Variants in SLC26A7 observed in about 807,000 individuals in gnomAD.
SLC26A7 encodes the protein anion exchange transporter.
SLC26A7 carries 59 observed loss-of-function variants against 82.5 expected under a neutral mutation model. That is an observed-to-expected ratio of 0.72 (90% CI 0.58 to 0.89). The LOEUF (loss-of-function observed/expected upper bound fraction) is 0.89. SLC26A7 is among the 40% of genes least tolerant of loss of function. The pLI, the probability that SLC26A7 is intolerant of heterozygous loss-of-function variation, is 0.00. For missense variants in SLC26A7, 820 were observed against 793.0 expected (o/e 1.03, Z -0.41); for synonymous variants, 271 against 274.3 (o/e 0.99, Z 0.12).
chr8:91,292,579 A>G (rs1452442559), intron 3 of SLC26A7, among the ~76,000 whole-genome samples: 1 of 152,160 alleles, frequency 6.6e-6, no homozygotes, highest in Admixed American at 6.5e-5. Flanking sequence ...TTCAATTTAG[A>G]TGGCTGGAAT....
chr8:91,237,143 A>G (rs1775131458), intron 2 of SLC26A7, among the ~76,000 whole-genome samples: 1 of 152,186 alleles, frequency 6.6e-6, no homozygotes, highest in Non-Finnish European at 1.5e-5. Flanking sequence ...CTGTTATAGT[A>G]TTTCCAATCC....
At chr8:91,337,955 CT>C (rs35850164) in intron 6 of SLC26A7, among the ~76,000 whole-genome samples, 194 bp from the exon 7 acceptor site, 116,716 of 152,078 alleles carry the variant, frequency 0.77, 45,930 homozygotes, top group Non-Finnish European at 0.87. Flanking sequence ...AATTTGGAGA[CT>C]TGTCAGTGCT....
chr8:91,314,388 T>G (rs931925483), intron 4 of SLC26A7, among the ~76,000 whole-genome samples: 2 of 152,184 alleles, frequency 1.3e-5, no homozygotes, highest in Non-Finnish European at 2.9e-5. Context: ...GTGTACTTGC[T>G]ACCTTTGAGC....
At position 91,383,245 on chromosome 8, in the gene SLC26A7, G is replaced by A. The variant is rs190064298; in HGVS notation, c.1676-6093G>A. ...TGGAACTGTTTGGAAGTTGGAGTAAGGGAGAGAACAATACAAATGATGATT... is the reference window on the plus strand; with the variant it reads ...TGGAACTGTTTGGAAGTTGGAGTAAAGGAGAGAACAATACAAATGATGATT... On this transcript the variant is annotated intron_variant, in intron 15 of 18. Coordinates refer to ENST00000276609, the MANE Select transcript of SLC26A7 (RefSeq NM_052832.4). 2.6e-5 allele frequency among the ~76,000 whole-genome samples: 4 copies of A among 152,296 alleles called. No homozygotes were observed. In the East Asian group the frequency reaches 7.7e-4, roughly 29 times the overall value.
chr8:91,393,989 A>G lies in SLC26A7; in HGVS notation c.1885A>G (p.Ile629Val), dbSNP rs149495064. ...YYGNLDSEKP[I>V]FFESVSAAIS... ...TGGAAACCTAGACTCAGAGAAACCA[A>G]TTTTTTTTGAATCGGTATCTGCTGC... Residue 629 changes from isoleucine (I) to valine (V), a missense_variant, in exon 18 of 19, where the codon ATT becomes GTT. Coordinates refer to ENST00000276609, the MANE Select transcript of SLC26A7 (RefSeq NM_052832.4). The G allele has an allele frequency of 3.7e-5, 59 of 1,613,288 alleles. No individual in the cohort carries two copies. In the African/African-American group the frequency reaches 3.9e-4, roughly 11 times the overall value.
intron 2 of SLC26A7, among the ~76,000 whole-genome samples, chr8:91,278,488 G>A (rs1196644971): frequency 6.6e-6 from 1 of 151,974 alleles, no homozygotes; most frequent in Non-Finnish European, 1.5e-5. Context: ...GTATACAGAG[G>A]TATCATAGAG....
chr8:91,310,992 T>C (rs1414546968), intron 4 of SLC26A7, among the ~76,000 whole-genome samples: 3 of 152,188 alleles, frequency 2.0e-5, no homozygotes, highest in African/African-American at 7.2e-5. Context: ...CAGTCTCTCC[T>C]TCTGCCTTAT....
intron 4 of SLC26A7, among the ~76,000 whole-genome samples, chr8:91,303,043 T>C (rs1812211544): frequency 6.6e-6 from 1 of 152,146 alleles, no homozygotes; most frequent in African/African-American, 2.4e-5. Context: ...TAAGAAAGTC[T>C]TTTAGTGGAA....
chr8:91,252,248 A>G (rs899038405), intron 2 of SLC26A7, among the ~76,000 whole-genome samples: 2 of 152,080 alleles, frequency 1.3e-5, no homozygotes, highest in African/African-American at 2.4e-5. Context: ...TTATGTTTCA[A>G]TCTAGTAGTT....
At chr8:91,214,185 A>T (rs1047993074) in intron 1 of SLC26A7, among the ~76,000 whole-genome samples, 1 of 152,068 alleles carries the variant, frequency 6.6e-6, no homozygotes, top group African/African-American at 2.4e-5. Context: ...TAAGGAAGGA[A>T]GGACAATATA....
At chr8:91,279,125 GTATATATATATATATA>G (rs55869816) in intron 2 of SLC26A7, among the ~76,000 whole-genome samples, 103 of 111,288 alleles carry the variant, frequency 9.3e-4, no homozygotes, top group East Asian at 2.0e-3. Context: ...GTGTGTGTGT[GTATATATATATATATA>G]TATATATATA....
intron 1 of SLC26A7, among the ~76,000 whole-genome samples, chr8:91,215,179 A>C (rs570807644): frequency 6.6e-6 from 1 of 152,234 alleles, no homozygotes; most frequent in South Asian, 2.1e-4. Flanking sequence ...GTGAGGTGAC[A>C]TGCATATTCA....
At chr8:91,274,422 T>C (rs919991461) in intron 2 of SLC26A7, among the ~76,000 whole-genome samples, 1 of 152,232 alleles carries the variant, frequency 6.6e-6, no homozygotes, top group African/African-American at 2.4e-5. Flanking sequence ...AAGGGCCTTC[T>C]TTCTGTCTTA....
At chr8:91,260,321 A>G (rs1401587411) in intron 2 of SLC26A7, among the ~76,000 whole-genome samples, 2 of 152,120 alleles carry the variant, frequency 1.3e-5, no homozygotes, top group African/African-American at 2.4e-5. Flanking sequence ...CGAGAACGTC[A>G]TGGGACAAAC....
At chr8:91,246,504 T>C (rs941120065), upstream of SLC26A7, among the ~76,000 whole-genome samples, 9 of 151,972 alleles carry the variant, frequency 5.9e-5, no homozygotes, top group Non-Finnish European at 1.0e-4. Context: ...GAGGTAAACA[T>C]TGAGTAAATG....
At chr8:91,232,228 A>C (rs563836306) in intron 2 of SLC26A7, among the ~76,000 whole-genome samples, 1 of 152,314 alleles carries the variant, frequency 6.6e-6, no homozygotes, top group Admixed American at 6.5e-5. Context: ...TTTATTTCTA[A>C]TCAAATACAT....
At chr8:91,229,695 G>A (rs1379074089) in intron 2 of SLC26A7, among the ~76,000 whole-genome samples, 1 of 151,752 alleles carries the variant, frequency 6.6e-6, no homozygotes. Flanking sequence ...CAAGACTTTG[G>A]CAAATACATT....
chr8:91,266,139 C>A (rs1811105846), intron 2 of SLC26A7, among the ~76,000 whole-genome samples: 2 of 151,660 alleles, frequency 1.3e-5, no homozygotes, highest in African/African-American at 2.4e-5. Context: ...GTTAGTATGG[C>A]TCTGTAGTAT....
At chr8:91,326,239 C>T (rs1417804720) in intron 5 of SLC26A7, among the ~76,000 whole-genome samples, 1 of 152,102 alleles carries the variant, frequency 6.6e-6, no homozygotes, top group Non-Finnish European at 1.5e-5. Context: ...GCTTGGAATC[C>T]CCTCTGCCCT....
Sources: allele counts gnomAD v4.1 joint callset (sites outside exome capture counted in the v4.1 genomes callset), GRCh38; gene constraint gnomAD v4.1.1; transcripts MANE v1.5; gene names NCBI Gene and HGNC (gene_info 2026-07-23, HGNC 2026-07-21).